PTPN22: variants seen among roughly 807,000 people sequenced by gnomAD.
PTPN22 encodes the protein tyrosine-protein phosphatase non-receptor type 22.
PTPN22 carries 85 observed loss-of-function variants against 103.3 expected under a neutral mutation model. The observed-to-expected ratio is 0.82, with a 90% CI of 0.69 to 0.99. The LOEUF (loss-of-function observed/expected upper bound fraction) is 0.99. PTPN22 is among the 50% of genes least tolerant of loss of function. The pLI is 0.00. For synonymous variants in PTPN22, 323 were observed against 310.2 expected (o/e 1.04, Z -0.43); for missense variants, 865 against 936.9 (o/e 0.92, Z 1.00).
rs1663123176 is a variant in PTPN22 at position 113,837,536 on chromosome 1, T to C, written c.1810+54A>G. The C allele has an allele frequency of 9.2e-6, 12 of 1,299,818 alleles. No individual in the cohort carries two copies. In the South Asian group the frequency reaches 1.1e-4, roughly 12 times the overall value. 80.5% of individuals were successfully genotyped at this position (1,299,818 alleles called of 1,614,324 possible). A position where few individuals can be genotyped will look rare whatever the true frequency, so the allele number is the denominator to read the frequency against. On this transcript the variant is annotated intron_variant, in intron 13 of 20. Coordinates refer to ENST00000359785, the Ensembl canonical transcript of PTPN22. ...GAAGAGGAGAAGAAACCAACTATTCTATAGAAACAAAATGAAATCTAAAAT... is the reference window on the plus strand; with the variant it reads ...GAAGAGGAGAAGAAACCAACTATTCCATAGAAACAAAATGAAATCTAAAAT...
chr1:113,859,091 A>G lies in PTPN22; in HGVS notation c.197-13T>C. The G allele has an allele frequency of 6.2e-7, 1 of 1,612,794 alleles. No individual in the cohort carries two copies. Among genetic ancestry groups the G allele is most frequent in the South Asian group, 1.1e-5 (1 of 90,850 alleles). ...CGGCTATAATCATCTATAATACAAA[A>G]GACAGACATAGTACAATTAAGAGGG... On this transcript the variant is annotated splice_polypyrimidine_tract_variant and intron_variant, in intron 2 of 20. Coordinates refer to ENST00000359785, the Ensembl canonical transcript of PTPN22.
chr1:113,870,646 C>A (rs1666499178), intron 1 of PTPN22, among the ~76,000 whole-genome samples: 1 of 152,184 alleles, frequency 6.6e-6, no homozygotes, highest in Non-Finnish European at 1.5e-5. Flanking sequence ...AGCCATTCCA[C>A]TTCTCCAAGC....
chr1:113,853,936 G>C (rs1445282717), intron 9 of PTPN22, among the ~76,000 whole-genome samples: 1 of 142,770 alleles, frequency 7.0e-6, no homozygotes, highest in Non-Finnish European at 1.5e-5. Context: ...CGCGATCTTG[G>C]CTCACTGCAA....
chr1:113,819,704 A>G (rs375956191), intron 19 of PTPN22, 50 bp from the exon 20 acceptor site: 2 of 1,261,030 alleles, frequency 1.6e-6, no homozygotes, highest in South Asian at 1.3e-5. Context: ...ACAGACTCAG[A>G]TGACTGTTGA....
chr1:113,841,417 G>T (rs1007632349), intron 11 of PTPN22, among the ~76,000 whole-genome samples: 2 of 152,032 alleles, frequency 1.3e-5, no homozygotes, highest in African/African-American at 4.8e-5. Flanking sequence ...AACAACAAAA[G>T]AATAATAGGA....
chr1:113,834,848 T>C, intron 14 of PTPN22, 62 bp downstream of exon 14: 1 of 1,299,900 alleles, frequency 7.7e-7, no homozygotes, highest in South Asian at 1.3e-5. Flanking sequence ...GTGCTGGAAT[T>C]AAAGGCATGA....
At chr1:113,833,030 G>T in intron 16 of PTPN22, 81 bp downstream of exon 16, 1 of 1,335,630 alleles carries the variant, frequency 7.5e-7, no homozygotes, top group Non-Finnish European at 1.1e-6. Flanking sequence ...GTAACTTCCT[G>T]AAGTGAATTA....
At chr1:113,824,037 G>A (rs1661834656) in intron 19 of PTPN22, among the ~76,000 whole-genome samples, 1 of 151,656 alleles carries the variant, frequency 6.6e-6, no homozygotes, top group Admixed American at 6.6e-5. Context: ...CCAGTTTAAT[G>A]TCAAATAACT....
At chr1:113,842,593 G>A (rs1397236871) in intron 11 of PTPN22, among the ~76,000 whole-genome samples, 2 of 152,038 alleles carry the variant, frequency 1.3e-5, no homozygotes, top group East Asian at 3.9e-4. Flanking sequence ...AGAATCGCTT[G>A]AACCCGGGAG....
intron 16 of PTPN22, among the ~76,000 whole-genome samples, chr1:113,830,315 A>C (rs1229644244): frequency 1.3e-5 from 2 of 152,176 alleles, no homozygotes; most frequent in Non-Finnish European, 2.9e-5. Flanking sequence ...CCCATTTTGC[A>C]TGAAATATTG....
exon 8 of PTPN22, chr1:113,854,998 C>T (rs1664919025): frequency 6.2e-7 from 1 of 1,608,118 alleles, no homozygotes; most frequent in South Asian, 1.1e-5. Context: ...GATGAAGGTA[C>T]ATCATGGTCT....
chr1:113,831,192 T>TA (rs546187598), intron 16 of PTPN22, among the ~76,000 whole-genome samples: 2 of 152,204 alleles, frequency 1.3e-5, no homozygotes, highest in South Asian at 4.1e-4. Flanking sequence ...GCCTGTTACT[T>TA]ACTACATTAA....
In PTPN22 at chr1:113,829,709, TTA is replaced by T; in HGVS notation, c.2135-4_2135-3del. On this transcript the variant is annotated splice_region_variant and splice_polypyrimidine_tract_variant and intron_variant, in intron 17 of 20. Coordinates refer to ENST00000359785, the Ensembl canonical transcript of PTPN22. ...TTTCTATAGATTGGGCCTGCATACC[TTA>T]AAAAAAAAAAAGGAGAAAAACATGT... 2 of 1,458,922 alleles carry T rather than the reference TTA, an allele frequency of 1.4e-6. No homozygotes were observed. Among genetic ancestry groups the T allele is most frequent in the Non-Finnish European group, 1.8e-6 (2 of 1,089,508 alleles). 90.4% of individuals were successfully genotyped at this position (1,458,922 alleles called of 1,614,324 possible).
chr1:113,867,752 G>C (rs1417711832), intron 1 of PTPN22, among the ~76,000 whole-genome samples: 2 of 152,208 alleles, frequency 1.3e-5, no homozygotes, highest in African/African-American at 2.4e-5. Flanking sequence ...TTCAACTACA[G>C]AAAAGTTACT....
rs552592963 is a variant in PTPN22, at chr1:113,859,441, G to A, written c.107C>T (p.Thr36Ile). The change falls in exon 2 of 21, where the codon ACC (threonine) becomes ATC (isoleucine). Residue 36 changes from threonine to isoleucine, a missense_variant. Coordinates refer to ENST00000359785, the Ensembl canonical transcript of PTPN22. ...ATAGGTTTTGTCTGCCTTGTACTTG[G>A]TAGATTGCCTTTTCAGCTTCTGTAA... 1.9e-5 allele frequency: 31 copies of A among 1,613,352 alleles called. No homozygotes were observed. The South Asian group carries it at 2.7e-4, about 14-fold the overall frequency.
chr1:113,834,355 G>C (rs1376596313), exon 15 of PTPN22: 1 of 1,613,888 alleles, frequency 6.2e-7, no homozygotes, highest in African/African-American at 1.3e-5. Context: ...CTTTGGTTCA[G>C]ATGTTCCACC....
In PTPN22 at chr1:113,858,955, T is replaced by G. The variant is rs939777408; in HGVS notation, c.273+47A>C. On this transcript the variant is annotated intron_variant, in intron 3 of 20. Transcript: ENST00000359785. ...AGTCCAGCCAGCCCTCCCCTTTTTT[T>G]GGGTATCTAGAGAAATATGGAATGC... 2.3e-5 allele frequency: 36 copies of G among 1,589,066 alleles called. 1 individual carries two copies. Among genetic ancestry groups the G allele is most frequent in the African/African-American group, 1.1e-4 (8 of 74,446 alleles).
At chr1:113,867,109 T>TTAACTTTCAATAATATTGTTTTA (rs1553254164) in intron 1 of PTPN22, among the ~76,000 whole-genome samples, 1 of 152,230 alleles carries the variant, frequency 6.6e-6, no homozygotes, top group Non-Finnish European at 1.5e-5. Flanking sequence ...TTACTTTCTT[T>TTAACTTTCAATAATATTGTTTTA]TAACTTTCAA....
intron 19 of PTPN22, among the ~76,000 whole-genome samples, chr1:113,821,808 A>G (rs573428837): frequency 6.6e-6 from 1 of 152,220 alleles, no homozygotes; most frequent in Non-Finnish European, 1.5e-5. Flanking sequence ...GTATATTGGC[A>G]TGGTCACACC....
Sources: allele counts gnomAD v4.1 joint callset (sites outside exome capture counted in the v4.1 genomes callset), GRCh38; gene constraint gnomAD v4.1.1; transcripts MANE v1.5; gene names NCBI Gene and HGNC (gene_info 2026-07-23, HGNC 2026-07-21).